The following UPF2 variants were observed in gnomAD, a reference collection of about 807,000 sequenced individuals.
UPF2 encodes regulator of nonsense transcripts 2.
In UPF2, 17 loss-of-function variants were observed where a neutral mutation model predicts 141.4. That is an observed-to-expected ratio of 0.12 (90% CI 0.08 to 0.18). The LOEUF is 0.18. Ranked by LOEUF, UPF2 falls within the 10% of genes least tolerant of loss-of-function variation. The pLI is 1.00. For missense variants in UPF2, 1,152 were observed against 1,515.9 expected (o/e 0.76, Z 3.99); for synonymous variants, 540 against 498.0 (o/e 1.08, Z -1.12).
chr10:12,019,478 T>C lies in UPF2; in HGVS notation c.1146-5294A>G, dbSNP rs1333553075. On this transcript the variant is annotated intron_variant, in intron 3 of 21. Coordinates refer to ENST00000357604, the MANE Select transcript of UPF2 (RefSeq NM_015542.4). This position sits in a 1 kb window ranked among gnomAD's most constrained non-coding sequence, Gnocchi z 4.5. ...TGGCCCACAAGCCATAGTTCGCCAATGCCTGTCACACTACTACATGTCTTA... is the reference window on the plus strand; with the variant it reads ...TGGCCCACAAGCCATAGTTCGCCAACGCCTGTCACACTACTACATGTCTTA... Among the ~76,000 whole-genome samples the C allele has an allele frequency of 1.3e-5, 2 of 152,260 alleles. No individual in the cohort carries two copies. Among genetic ancestry groups the C allele is most frequent in the Non-Finnish European group, 2.9e-5 (2 of 68,046 alleles).
At chr10:11,999,853 G>C in intron 7 of UPF2, 53 bp downstream of exon 7, 1 of 1,380,078 alleles carries the variant, frequency 7.2e-7, no homozygotes, top group South Asian at 1.2e-5. Flanking sequence ...CCTTATCAGA[G>C]GACTCCTACA....
rs140801703 is a variant in UPF2, at chr10:11,952,082, T to C, written c.3018A>G (p.Glu1006=). The part of the protein sequence containing the change: ...SIRQVQDLER[E]FLIKLGLVND... ...ATTGCTTACCTAGTTTTATTAAGAA[T>C]TCTCGTTCCAAGTCTTGTACCTGCC... Residue 1006 remains glutamate, a synonymous_variant, in exon 15 of 22, where the codon GAA becomes GAG. Transcript: ENST00000357604. 274 of 1,613,862 alleles carry C rather than the reference T, an allele frequency of 1.7e-4. No homozygotes were observed. Among genetic ancestry groups the C allele is most frequent in the Non-Finnish European group, 2.3e-4 (267 of 1,179,884 alleles).
At chr10:12,018,238 A>G (rs1262764254) in intron 3 of UPF2, among the ~76,000 whole-genome samples, 2 of 152,158 alleles carry the variant, frequency 1.3e-5, no homozygotes, top group Non-Finnish European at 2.9e-5. Flanking sequence ...GCTTGAGCCA[A>G]CAAGTCCGAG....
rs887799554 is a variant in UPF2 at position 11,959,996 on chromosome 10, G to A, written c.2185-640C>T. 3.3e-5 allele frequency among the ~76,000 whole-genome samples: 5 copies of A among 152,110 alleles called. No homozygotes were observed. The highest frequency in any genetic ancestry group is 1.5e-5 in the Non-Finnish European group (1 of 68,030). ...GGTTGCTCAGTATCAGCTCAGAAGAGGTAACTAACAAATACAGATCTAGTC... is the reference window on the plus strand; with the variant it reads ...GGTTGCTCAGTATCAGCTCAGAAGAAGTAACTAACAAATACAGATCTAGTC... On this transcript the variant is annotated intron_variant, in intron 11 of 21. Coordinates refer to ENST00000357604, the MANE Select transcript of UPF2 (RefSeq NM_015542.4). The surrounding 1 kb of genome is among the most constrained non-coding windows in gnomAD (Gnocchi z 5.9).
intron 16 of UPF2, among the ~76,000 whole-genome samples, chr10:11,943,734 C>T (rs1832965361): frequency 6.6e-6 from 1 of 152,158 alleles, no homozygotes; most frequent in South Asian, 2.1e-4. Flanking sequence ...GTTAAGTGAT[C>T]TGCCCAAGGG....
chr10:12,037,517 T>C (rs1834654077), intron 1 of UPF2, among the ~76,000 whole-genome samples: 1 of 149,410 alleles, frequency 6.7e-6, no homozygotes, highest in Non-Finnish European at 1.5e-5. Context: ...CACCTCAGCC[T>C]CCCAAGTACC....
At position 11,921,204 on chromosome 10, in the gene UPF2, T is replaced by G; in HGVS notation, c.*94A>C. On this transcript the variant is annotated 3_prime_UTR_variant, in exon 22 of 22. Coordinates refer to ENST00000357604, the MANE Select transcript of UPF2 (RefSeq NM_015542.4). This position sits in a 1 kb window ranked among gnomAD's most constrained non-coding sequence, Gnocchi z 5.9. ...TTCGCAACTCTCTAGACCGACCTGC[T>G]GAGATGTGTCCACTGCTCTCATTCA... 3.2e-6 allele frequency: 5 copies of G among 1,554,134 alleles called. No individual in the cohort carries two copies. Among genetic ancestry groups the G allele is most frequent in the Non-Finnish European group, 4.4e-6 (5 of 1,125,364 alleles).
At chr10:11,937,132 T>C (rs1470818709) in intron 18 of UPF2, among the ~76,000 whole-genome samples, 5 of 152,248 alleles carry the variant, frequency 3.3e-5, no homozygotes, top group Non-Finnish European at 7.3e-5. Flanking sequence ...AGCAGGGCGT[T>C]ACCCACAGCA....
At chr10:11,934,751 G>A (rs1166150382) in intron 19 of UPF2, among the ~76,000 whole-genome samples, 5 of 152,096 alleles carry the variant, frequency 3.3e-5, no homozygotes, top group African/African-American at 1.2e-4. Flanking sequence ...CACCAAGCCT[G>A]GCTAATTTTT....
chr10:11,984,602 C>T (rs963807277), intron 8 of UPF2, among the ~76,000 whole-genome samples: 2 of 151,676 alleles, frequency 1.3e-5, no homozygotes, highest in Non-Finnish European at 2.9e-5. Flanking sequence ...AGTCTAAGAT[C>T]GTTTCACTTT....
chr10:11,970,068 G>A (rs1833390254), intron 9 of UPF2, among the ~76,000 whole-genome samples: 1 of 152,190 alleles, frequency 6.6e-6, no homozygotes, highest in African/African-American at 2.4e-5. Flanking sequence ...GAGTTAGAAT[G>A]TCTGTGCTCT....
chr10:11,961,410 C>T lies in UPF2; in HGVS notation c.2185-2054G>A, dbSNP rs145589197. Among the ~76,000 whole-genome samples, 416 of 151,706 alleles carry T rather than the reference C, an allele frequency of 2.7e-3. 4 individuals are homozygous for T. Among genetic ancestry groups the T allele is most frequent in the African/African-American group, 9.5e-3 (394 of 41,336 alleles). On this transcript the variant is annotated intron_variant, in intron 11 of 21. Transcript: ENST00000357604. The stretch of plus-strand genomic sequence containing the variant: ...AAGGATAACAAAGGCTGAAGAACCA[C>T]GGGAAGAGCACGCATGCAGAGGCCC...
At chr10:11,974,187 T>C (rs750561510) in intron 9 of UPF2, among the ~76,000 whole-genome samples, 4 of 152,064 alleles carry the variant, frequency 2.6e-5, no homozygotes, top group Admixed American at 6.6e-5. Context: ...CTGTTTGTTA[T>C]TGGTGTATAG....
intron 4 of UPF2, among the ~76,000 whole-genome samples, chr10:12,006,712 G>A (rs1237843389): frequency 6.6e-6 from 1 of 152,178 alleles, no homozygotes; most frequent in African/African-American, 2.4e-5. Context: ...AATATATAGA[G>A]CATAGTATAA....
chr10:11,934,873 C>A (rs1174656053), intron 19 of UPF2, among the ~76,000 whole-genome samples: 1 of 152,214 alleles, frequency 6.6e-6, no homozygotes, highest in African/African-American at 2.4e-5. Flanking sequence ...CAGGTGTGAG[C>A]CACTATGCCC....
intron 21 of UPF2, among the ~76,000 whole-genome samples, chr10:11,926,517 C>T (rs1203519002): frequency 6.6e-6 from 1 of 152,208 alleles, no homozygotes; most frequent in African/African-American, 2.4e-5. Context: ...GCAGGAGCCA[C>T]AGTGATCGCG....
chr10:12,031,681 C>T (rs559465669), intron 2 of UPF2, among the ~76,000 whole-genome samples: 16 of 152,000 alleles, frequency 1.1e-4, no homozygotes, highest in African/African-American at 3.6e-4. Context: ...GAGGCTGAGA[C>T]GGGGGGATCG....
chr10:12,000,325 T>C (rs1455698284), intron 6 of UPF2, among the ~76,000 whole-genome samples: 3 of 152,202 alleles, frequency 2.0e-5, no homozygotes. Flanking sequence ...CCCCATGTTC[T>C]TCCATTAACA....
chr10:11,969,304 G>A (rs892763281), intron 9 of UPF2, among the ~76,000 whole-genome samples: 2 of 149,596 alleles, frequency 1.3e-5, no homozygotes, highest in African/African-American at 4.9e-5. Flanking sequence ...CGAGTACCTG[G>A]GATTACAGGC....
Sources: gnomAD v4.1 joint callset for allele counts (sites outside exome capture counted in the v4.1 genomes callset) on GRCh38, gnomAD v4.1.1 for gene constraint, Gnocchi (gnomAD v3.1) non-coding constraint, MANE v1.5 for transcripts, NCBI Gene and HGNC (gene_info 2026-07-23, HGNC 2026-07-21) for gene names.